The following GATA3 variants were observed in gnomAD, a reference collection of about 807,000 sequenced individuals.
The protein encoded by GATA3 is GATA binding protein 3, also known as trans-acting T-cell-specific transcription factor GATA-3.
Under a neutral mutation model 36.0 loss-of-function variants are expected in GATA3, and 6 were observed. That is an observed-to-expected ratio of 0.17 (90% CI 0.09 to 0.33). The LOEUF is 0.33. GATA3 is among the 10% of genes least tolerant of loss of function. The pLI is 1.00. For synonymous variants in GATA3, 326 were observed against 273.0 expected (o/e 1.19, Z -1.92); for missense variants, 514 against 610.1 (o/e 0.84, Z 1.66).
chr10:8,054,090 T>A (rs912290414), upstream of GATA3, among the ~76,000 whole-genome samples: 7 of 152,074 alleles, frequency 4.6e-5, no homozygotes, highest in Non-Finnish European at 1.5e-5. This position sits in a 1 kb window ranked among gnomAD's most constrained non-coding sequence, Gnocchi z 4.2. Context: ...CAAAGGCATC[T>A]CCCCTTTATC....
rs757149716 is a variant in GATA3 at position 8,055,700 on chromosome 10, C to T, written c.45C>T (p.His15=). 1.1e-5 allele frequency: 17 copies of T among 1,561,236 alleles called. No homozygotes were observed. The highest frequency in any genetic ancestry group is 8.1e-5 in the African/African-American group (6 of 73,654). Residue 15 remains histidine, a synonymous_variant, in exon 2 of 6, where the codon CAC becomes CAT. Transcript: ENST00000379328. This position sits in a 1 kb window ranked among gnomAD's most constrained non-coding sequence, Gnocchi z 5.4. The part of the protein sequence containing the change: ...ADQPRWVSHH[H]PAVLNGQHPD... ...AGCCGCGCTGGGTGAGCCACCACCACCCCGCCGTGCTCAACGGGCAGCACC... is the reference window on the plus strand; with the variant it reads ...AGCCGCGCTGGGTGAGCCACCACCATCCCGCCGTGCTCAACGGGCAGCACC...
At chr10:8,056,340 C>T (rs992774465) in intron 2 of GATA3, among the ~76,000 whole-genome samples, 3 of 152,120 alleles carry the variant, frequency 2.0e-5, no homozygotes, top group African/African-American at 7.2e-5. Context: ...CCCTGTTACC[C>T]GCTAGCTCTT....
At chr10:8,052,506 T>C (rs1832522631), upstream of GATA3, 1 of 152,240 alleles carries the variant, frequency 6.6e-6, no homozygotes, top group Non-Finnish European at 1.5e-5. Context: ...TCTTCGGCTC[T>C]GAGGTCTCCG....
Position 8,058,654 on chromosome 10 carries a change from G to A in GATA3, c.591G>A (p.Glu197=), listed in dbSNP as rs372630189. 2.0e-4 allele frequency: 318 copies of A among 1,613,088 alleles called. No homozygotes were observed. The highest frequency in any genetic ancestry group is 2.5e-4 in the Non-Finnish European group (298 of 1,179,958). Residue 197 remains glutamate (E), a synonymous_variant, in exon 3 of 6, where the codon GAG becomes GAA. Coordinates refer to ENST00000379328, the MANE Select transcript of GATA3 (RefSeq NM_001002295.2). ...CCCTGCCCGACAGCATGAAGCTGGA[G>A]TCGTCCCACTCCCGTGGCAGCATGA... ...QVPLPDSMKL[E]SSHSRGSMTA...
upstream of GATA3, among the ~76,000 whole-genome samples, chr10:8,049,959 G>C (rs1832442366): frequency 6.6e-6 from 1 of 152,188 alleles, no homozygotes; most frequent in African/African-American, 2.4e-5. Context: ...GGCGGCCACA[G>C]CTGGACGCGC....
At chr10:8,068,493 T>G (rs1258785810) in intron 4 of GATA3, among the ~76,000 whole-genome samples, 2 of 152,214 alleles carry the variant, frequency 1.3e-5, no homozygotes, top group Non-Finnish European at 2.9e-5. Flanking sequence ...GGCTCACGCC[T>G]GTAATACCGG....
chr10:8,055,552 C>T lies in GATA3; in HGVS notation c.-104C>T. Reference sequence around the variant, plus strand: ...CGAAAGCAAATCATTCAACGACCCCCGACCCTCCGACGGCAGGAGCCCCCC... The same window carrying T: ...CGAAAGCAAATCATTCAACGACCCCTGACCCTCCGACGGCAGGAGCCCCCC... On this transcript the variant is annotated 5_prime_UTR_variant, in exon 2 of 6. Transcript: ENST00000379328. This position sits in a 1 kb window ranked among gnomAD's most constrained non-coding sequence, Gnocchi z 5.4. 7.5e-7 allele frequency: 1 copy of T among 1,336,094 alleles called. No homozygotes were observed. Among genetic ancestry groups the T allele is most frequent in the Non-Finnish European group, 1.0e-6 (1 of 981,204 alleles). 82.8% of individuals were successfully genotyped at this position (1,336,094 alleles called of 1,614,324 possible).
In GATA3 at chr10:8,047,905, A is replaced by G. The variant is rs143330786; in HGVS notation, c.-370+2390A>G. 6.2e-3 allele frequency among the ~76,000 whole-genome samples: 941 copies of G among 152,110 alleles called. 10 individuals are homozygous for G. Among genetic ancestry groups the G allele is most frequent in the African/African-American group, 0.021 (878 of 41,490 alleles). Reference sequence around the variant, plus strand: ...CTTTGCACCTCTGAGTCGGGCACAAACATGGATTTTTTTTTTCACCAGGTG... The same window carrying G: ...CTTTGCACCTCTGAGTCGGGCACAAGCATGGATTTTTTTTTTCACCAGGTG... On this transcript the variant is annotated intron_variant, in intron 1 of 1. Transcript: ENST00000643001.
At chr10:8,057,637 C>A (rs775981307) in intron 2 of GATA3, among the ~76,000 whole-genome samples, 1 of 152,202 alleles carries the variant, frequency 6.6e-6, no homozygotes, top group Non-Finnish European at 1.5e-5. Context: ...GAAAACGTCC[C>A]TGCAAATCCC....
chr10:8,048,662 C>A (rs970201221), upstream of GATA3, among the ~76,000 whole-genome samples: 37 of 152,214 alleles, frequency 2.4e-4, no homozygotes, highest in African/African-American at 8.7e-4. Context: ...GAAAAGGGCA[C>A]TTTTCCTCCA....
upstream of GATA3, chr10:8,052,904 G>A (rs563312423): frequency 2.0e-5 from 3 of 149,986 alleles, no homozygotes; most frequent in Admixed American, 1.3e-4. Flanking sequence ...TGGCGGGGGG[G>A]GGGGGAGCTT....
chr10:8,075,066 C>G lies in GATA3; in HGVS notation c.*1043C>G. The G allele has an allele frequency of 4.3e-6, 1 of 233,280 alleles. No homozygotes were observed. The highest frequency in any genetic ancestry group is 6.0e-5 in the East Asian group (1 of 16,584). The allele number at this position is 233,280 out of a possible 1,614,324, so 14.5% of individuals were successfully genotyped here. ...GTGCATGTCAGCGACCCTGGCCCGA[C>G]AGGCCACGTCCTGCAATCGGCCCGG... is the stretch of plus-strand genomic sequence containing the variant. On this transcript the variant is annotated 3_prime_UTR_variant, in exon 6 of 6. Transcript: ENST00000379328.
At chr10:8,056,611 T>C (rs914803504) in intron 2 of GATA3, among the ~76,000 whole-genome samples, 2 of 152,146 alleles carry the variant, frequency 1.3e-5, no homozygotes, top group Non-Finnish European at 2.9e-5. Flanking sequence ...GCACAGAATT[T>C]TCTTGCGTCT....
chr10:8,065,101 C>T (rs370018826), intron 4 of GATA3, among the ~76,000 whole-genome samples: 5 of 152,042 alleles, frequency 3.3e-5, no homozygotes, highest in South Asian at 2.1e-4. Context: ...AATTTCCCCA[C>T]GCAGATTAAT....
At chr10:8,050,156 A>G (rs1832446855), upstream of GATA3, among the ~76,000 whole-genome samples, 1 of 152,232 alleles carries the variant, frequency 6.6e-6, no homozygotes, top group Non-Finnish European at 1.5e-5. Context: ...CCTTCCGCGC[A>G]GCCTCGGCCA....
intron 4 of GATA3, among the ~76,000 whole-genome samples, chr10:8,067,611 GAT>G (rs1832863670): frequency 6.6e-6 from 1 of 152,172 alleles, no homozygotes; most frequent in South Asian, 2.1e-4. Context: ...GAGGTCAGGA[GAT>G]AGAGACCATC....
At chr10:8,065,700 GTT>G (rs748515966) in intron 4 of GATA3, among the ~76,000 whole-genome samples, 2,772 of 62,246 alleles carry the variant, frequency 0.045, 101 homozygotes, top group African/African-American at 0.17. Flanking sequence ...CAGCAGTTTG[GTT>G]TTTTTTTTTT....
Position 8,046,189 on chromosome 10 carries a change from A to C in GATA3, c.-370+674A>C, listed in dbSNP as rs143367337. ...ATTTGGACTTAACTCCCGGGACAGC[A>C]GACCAACAGACCTCCAAAAAGTCAC... On this transcript the variant is annotated intron_variant, in intron 1 of 1. Coordinates refer to the GATA3 transcript ENST00000643001. Among the ~76,000 whole-genome samples the C allele has an allele frequency of 2.7e-3, 417 of 152,350 alleles. 3 individuals carry two copies. Among genetic ancestry groups the C allele is most frequent in the African/African-American group, 9.5e-3 (395 of 41,574 alleles).
chr10:8,051,324 AT>A, upstream of GATA3: 1 of 281,290 alleles, frequency 3.6e-6, no homozygotes, highest in Non-Finnish European at 7.6e-6. Flanking sequence ...GGGGTTTCGG[AT>A]AGGCCAAGCC....
Sources: allele counts gnomAD v4.1 joint callset (sites outside exome capture counted in the v4.1 genomes callset), GRCh38; gene constraint gnomAD v4.1.1; non-coding constraint Gnocchi (gnomAD v3.1); transcripts MANE v1.5; gene names NCBI Gene and HGNC (gene_info 2026-07-23, HGNC 2026-07-21).